The following LCLAT1 variants were observed in gnomAD, a reference collection of about 807,000 sequenced individuals.
LCLAT1 encodes the protein 1-AGP acyltransferase 8.
A neutral mutation model predicts 30.7 loss-of-function variants in LCLAT1; 11 were observed. The observed-to-expected ratio is 0.36, with a 90% confidence interval of 0.23 to 0.59. The LOEUF is 0.59. LCLAT1 is among the 20% of genes least tolerant of loss of function. The pLI, the probability that LCLAT1 is intolerant of heterozygous loss-of-function variation, is 0.77. For synonymous variants in LCLAT1, 155 were observed against 151.3 expected, an observed-to-expected ratio of 1.02 and a Z score of -0.18; for missense variants, 402 against 458.6, an observed-to-expected ratio of 0.88 and a Z score of 1.13.
chr2:30,615,710 T>G (rs1396128997), intron 5 of LCLAT1, among the ~76,000 whole-genome samples: 1 of 152,100 alleles, frequency 6.6e-6, no homozygotes, highest in Non-Finnish European at 1.5e-5. Context: ...ATGTGTAAAG[T>G]GAAAGGAAAT....
rs1052899269 is a variant in LCLAT1 at position 30,447,321 on chromosome 2, A to G, written c.-67A>G. ...GTTCCGCACGGAGGTTGTGACCCCTACGGAGCCCCAGCTTGCCCACGCACC... is the reference window on the plus strand; with the variant it reads ...GTTCCGCACGGAGGTTGTGACCCCTGCGGAGCCCCAGCTTGCCCACGCACC... On this transcript the variant is annotated 5_prime_UTR_variant, in exon 1 of 6. Coordinates refer to ENST00000379509, the MANE Select transcript of LCLAT1 (RefSeq NM_001002257.3). 1.2e-4 allele frequency: 18 copies of G among 152,022 alleles called. No individual in the cohort carries two copies. The highest frequency in any genetic ancestry group is 4.3e-4 in the African/African-American group (18 of 41,426). 9.4% of individuals were successfully genotyped at this position (152,022 alleles called of 1,614,324 possible).
intron 2 of LCLAT1, among the ~76,000 whole-genome samples, chr2:30,529,042 T>A (rs1685869755): frequency 6.6e-6 from 1 of 152,208 alleles, no homozygotes; most frequent in Admixed American, 6.5e-5. Flanking sequence ...ATATTCTTTT[T>A]AAATTCAGAG....
chr2:30,573,664 T>G (rs1408826433), intron 5 of LCLAT1, among the ~76,000 whole-genome samples: 2 of 152,148 alleles, frequency 1.3e-5, no homozygotes, highest in Admixed American at 1.3e-4. Flanking sequence ...GCCTTCCTGA[T>G]TTTCTTTGGC....
At chr2:30,585,540 T>C (rs1244450726) in intron 5 of LCLAT1, among the ~76,000 whole-genome samples, 4 of 152,304 alleles carry the variant, frequency 2.6e-5, no homozygotes, top group African/African-American at 9.6e-5. Flanking sequence ...TTGGATCTTG[T>C]CTTCAGGAAT....
At position 30,531,814 on chromosome 2, in the gene LCLAT1, C is replaced by T. The variant is rs546033515; in HGVS notation, c.166-1302C>T. On this transcript the variant is annotated intron_variant, in intron 2 of 5. Transcript: ENST00000379509. The stretch of plus-strand genomic sequence containing the variant: ...TTCAAAGTCTTACTGTTTCATATTG[C>T]ATTTTTAAAAAAATGCCTTTTTGTT... 3.3e-5 allele frequency among the ~76,000 whole-genome samples: 5 copies of T among 152,142 alleles called. No homozygotes were observed. The South Asian group carries it at 1.0e-3, about 32-fold the overall frequency.
intron 1 of LCLAT1, among the ~76,000 whole-genome samples, chr2:30,467,517 T>C (rs1435139523): frequency 6.6e-6 from 1 of 152,218 alleles, no homozygotes; most frequent in African/African-American, 2.4e-5. Flanking sequence ...CGCCACACTG[T>C]CTTCCACAAT....
At chr2:30,601,227 A>AACAT (rs1379146261) in intron 5 of LCLAT1, among the ~76,000 whole-genome samples, 2 of 152,144 alleles carry the variant, frequency 1.3e-5, no homozygotes, top group African/African-American at 4.8e-5. Flanking sequence ...ATTGGTTTAG[A>AACAT]ACGTACTCCT....
intron 3 of LCLAT1, among the ~76,000 whole-genome samples, chr2:30,551,643 G>A (rs1488505583): frequency 6.6e-6 from 1 of 152,132 alleles, no homozygotes; most frequent in African/African-American, 2.4e-5. Context: ...CAAGGCATTG[G>A]CAGGACTGGT....
rs145019622 is a variant in LCLAT1 at position 30,592,079 on chromosome 2, G to A, written c.628+23903G>A. Among the ~76,000 whole-genome samples, 280 of 152,230 alleles carry A rather than the reference G, an allele frequency of 1.8e-3. 1 individual carries two copies. The highest frequency in any genetic ancestry group is 6.3e-3 in the African/African-American group (262 of 41,546). ...TAGCGCAGGACTTGGTACTTACTAA[G>A]CACTCCATATATGTGAATGAATGGA... On this transcript the variant is annotated intron_variant, in intron 5 of 5. Transcript: ENST00000379509.
At chr2:30,629,256 A>G (rs537173492) in intron 5 of LCLAT1, among the ~76,000 whole-genome samples, 1 of 152,280 alleles carries the variant, frequency 6.6e-6, no homozygotes, top group African/African-American at 2.4e-5. Flanking sequence ...TTTCTCATCA[A>G]AGACATAAAA....
chr2:30,453,800 T>G (rs1259396759), intron 1 of LCLAT1, among the ~76,000 whole-genome samples: 1 of 152,232 alleles, frequency 6.6e-6, no homozygotes, highest in African/African-American at 2.4e-5. Context: ...TGACCCTCTC[T>G]TTTAATAACG....
chr2:30,562,507 A>AAAAAAC (rs1553375044), intron 4 of LCLAT1, among the ~76,000 whole-genome samples: 1 of 151,866 alleles, frequency 6.6e-6, no homozygotes, highest in East Asian at 1.9e-4. Context: ...TTCATCTCAA[A>AAAAAAC]AAAACAAAAC....
chr2:30,558,686 T>C (rs970535396), intron 3 of LCLAT1, among the ~76,000 whole-genome samples: 3 of 150,764 alleles, frequency 2.0e-5, no homozygotes, highest in African/African-American at 7.3e-5. Context: ...ATGGCTAAAA[T>C]GAAAAGAACT....
At chr2:30,621,365 C>T (rs1310724355) in intron 5 of LCLAT1, among the ~76,000 whole-genome samples, 1 of 152,018 alleles carries the variant, frequency 6.6e-6, no homozygotes, top group African/African-American at 2.4e-5. Context: ...AGGAAATTAG[C>T]TTATAAAAAT....
chr2:30,545,687 A>C (rs958695289), intron 3 of LCLAT1, among the ~76,000 whole-genome samples: 2 of 152,164 alleles, frequency 1.3e-5, no homozygotes, highest in Non-Finnish European at 2.9e-5. Flanking sequence ...ATGGTGGTGC[A>C]TATGTAGATT....
rs140951969 is a variant in LCLAT1, at chr2:30,484,582, C to G, written c.-5+37199C>G. Among the ~76,000 whole-genome samples, 24 of 152,184 alleles carry G rather than the reference C, an allele frequency of 1.6e-4. No homozygotes were observed. The East Asian group carries it at 4.6e-3, about 29-fold the overall frequency. On this transcript the variant is annotated intron_variant, in intron 1 of 5. Transcript: ENST00000379509. ...ACTAGAAAAGTACTGTGGGCAAGAG[C>G]TATGTTGTGCAGAATAAAATCTCTA...
intron 3 of LCLAT1, among the ~76,000 whole-genome samples, chr2:30,537,747 T>C (rs1335508255): frequency 1.3e-5 from 2 of 152,146 alleles, no homozygotes; most frequent in South Asian, 2.1e-4. Context: ...CTAACAGATA[T>C]TTAAATAATA....
At chr2:30,562,824 C>G (rs991350367) in intron 4 of LCLAT1, among the ~76,000 whole-genome samples, 16 of 152,114 alleles carry the variant, frequency 1.1e-4, no homozygotes, top group African/African-American at 3.1e-4. Flanking sequence ...ATCCATTAGA[C>G]CCTTCCTACT....
At chr2:30,455,988 A>G (rs1355101684) in intron 1 of LCLAT1, among the ~76,000 whole-genome samples, 1 of 150,638 alleles carries the variant, frequency 6.6e-6, no homozygotes, top group Admixed American at 6.6e-5. Flanking sequence ...GTGTGAATTG[A>G]TCTTAATTCT....
Sources: allele counts gnomAD v4.1 joint callset (sites outside exome capture counted in the v4.1 genomes callset), GRCh38; gene constraint gnomAD v4.1.1; transcripts MANE v1.5; gene names NCBI Gene and HGNC (gene_info 2026-07-23, HGNC 2026-07-21).